The following GUCY1A2 variants were observed in gnomAD, a reference collection of about 807,000 sequenced individuals.
The protein encoded by GUCY1A2 is guanylate cyclase 1 soluble subunit alpha 2.
Under a neutral mutation model 63.5 loss-of-function variants are expected in GUCY1A2, and 27 were observed. The ratio of observed to expected loss-of-function variants is 0.43; its 90% CI spans 0.31 to 0.59. The LOEUF (loss-of-function observed/expected upper bound fraction) is 0.59. Ranked by LOEUF, GUCY1A2 falls within the 20% of genes least tolerant of loss-of-function variation. The pLI, the probability that GUCY1A2 is intolerant of heterozygous loss-of-function variation, is 0.11. For synonymous variants in GUCY1A2, 364 were observed against 343.5 expected (o/e 1.06, Z -0.66); for missense variants, 768 against 913.3 (o/e 0.84, Z 2.05).
At chr11:106,836,237 C>T (rs1859115644) in intron 4 of GUCY1A2, among the ~76,000 whole-genome samples, 4 of 152,122 alleles carry the variant, frequency 2.6e-5, no homozygotes, top group East Asian at 3.9e-4. Flanking sequence ...TAATAGCCTA[C>T]TGCTGACCAG....
chr11:106,797,911 A>G (rs908879264), intron 5 of GUCY1A2, among the ~76,000 whole-genome samples: 18 of 152,152 alleles, frequency 1.2e-4, no homozygotes, highest in Non-Finnish European at 2.6e-4. Context: ...AGAAATAACT[A>G]AAATCAGAGC....
chr11:106,867,386 G>A (rs942832159), intron 4 of GUCY1A2, among the ~76,000 whole-genome samples: 17 of 152,010 alleles, frequency 1.1e-4, no homozygotes, highest in African/African-American at 4.1e-4. Context: ...TACAAACTAT[G>A]AGCAATAGAG....
intron 1 of GUCY1A2, among the ~76,000 whole-genome samples, chr11:106,999,125 G>T (rs966626276): frequency 6.6e-6 from 1 of 152,102 alleles, no homozygotes; most frequent in Non-Finnish European, 1.5e-5. Context: ...TCCTATGCAG[G>T]TCCTTACAAT....
rs181855355 is a variant in GUCY1A2 at position 106,790,092 on chromosome 11, C to T, written c.1693-13510G>A. Among the ~76,000 whole-genome samples, 242 of 152,350 alleles carry T rather than the reference C, an allele frequency of 1.6e-3. 1 individual carries two copies. Among genetic ancestry groups the T allele is most frequent in the African/African-American group, 5.7e-3 (237 of 41,572 alleles). On this transcript the variant is annotated intron_variant, in intron 5 of 7. Transcript: ENST00000526355. Reference sequence around the variant, plus strand: ...CAGGCTTGTATCCTTTGCTTCACTGCAGTGAGTTACCCCAAGGCCCAGAGA... The same window carrying T: ...CAGGCTTGTATCCTTTGCTTCACTGTAGTGAGTTACCCCAAGGCCCAGAGA...
At chr11:106,839,767 C>T (rs1314505623) in intron 4 of GUCY1A2, among the ~76,000 whole-genome samples, 7 of 150,190 alleles carry the variant, frequency 4.7e-5, no homozygotes, top group African/African-American at 1.7e-4. Context: ...GGACAAAAAA[C>T]CAAACACCAC....
chr11:106,750,265 T>TTA (rs1863860465), intron 6 of GUCY1A2, among the ~76,000 whole-genome samples: 2 of 152,082 alleles, frequency 1.3e-5, no homozygotes, highest in Non-Finnish European at 2.9e-5. Flanking sequence ...AGCCAGCTTA[T>TTA]CCCACCTTCT....
chr11:106,895,557 G>A (rs760354209), intron 4 of GUCY1A2, among the ~76,000 whole-genome samples: 9 of 152,048 alleles, frequency 5.9e-5, no homozygotes, highest in East Asian at 1.9e-4. Flanking sequence ...CAGTTCCTCC[G>A]CACATGCTCT....
chr11:106,857,312 C>G (rs1197983948), intron 4 of GUCY1A2, among the ~76,000 whole-genome samples: 1 of 152,128 alleles, frequency 6.6e-6, no homozygotes, highest in Non-Finnish European at 1.5e-5. Context: ...CTAGCTAGCT[C>G]TCTTTTTCTT....
rs562124941 is a variant in GUCY1A2 at position 106,683,557 on chromosome 11, G to C, written c.*3992C>G. ...TGTGTGTGGTCCTTCCTATCCGCCT[G>C]AATGAGGCACCAGCAACCCTTTCTG... is the stretch of plus-strand genomic sequence containing the variant. On this transcript the variant is annotated 3_prime_UTR_variant, in exon 8 of 8. Transcript: ENST00000526355. The C allele has an allele frequency of 4.4e-6, 1 of 228,148 alleles. No homozygotes were observed. Among genetic ancestry groups the C allele is most frequent in the Admixed American group, 5.7e-5 (1 of 17,572 alleles). The allele number at this position is 228,148 out of a possible 1,614,324, so 14.1% of individuals were successfully genotyped here.
At chr11:106,964,337 C>T (rs1861099346) in intron 3 of GUCY1A2, among the ~76,000 whole-genome samples, 1 of 152,136 alleles carries the variant, frequency 6.6e-6, no homozygotes. Context: ...GTCTTTCAAA[C>T]AATAATCCTT....
chr11:106,906,280 G>A (rs1012769141), intron 4 of GUCY1A2, among the ~76,000 whole-genome samples: 7 of 152,086 alleles, frequency 4.6e-5, no homozygotes, highest in Non-Finnish European at 1.0e-4. Context: ...CTGGGCGAAC[G>A]ATATGAACAG....
intron 5 of GUCY1A2, among the ~76,000 whole-genome samples, chr11:106,790,868 G>A (rs1418510383): frequency 6.6e-6 from 1 of 152,198 alleles, no homozygotes; most frequent in Non-Finnish European, 1.5e-5. Context: ...GCAAGACAAA[G>A]TCCTCTTTAC....
intron 4 of GUCY1A2, among the ~76,000 whole-genome samples, chr11:106,891,916 G>A (rs1859979964): frequency 6.6e-6 from 1 of 152,054 alleles, no homozygotes; most frequent in South Asian, 2.1e-4. Context: ...TCTAAAGACA[G>A]CAGCGACTAC....
intron 7 of GUCY1A2, among the ~76,000 whole-genome samples, chr11:106,699,959 ATTT>A: frequency 6.6e-6 from 1 of 151,704 alleles, no homozygotes; most frequent in East Asian, 1.9e-4. Context: ...TTTCTTTTGT[ATTT>A]TTAGTAGAGA....
chr11:106,759,032 C>T (rs1864020317), intron 6 of GUCY1A2, among the ~76,000 whole-genome samples: 2 of 151,884 alleles, frequency 1.3e-5, no homozygotes, highest in Non-Finnish European at 2.9e-5. Flanking sequence ...AGTTAAAAGT[C>T]AAACAAATGT....
rs573207099 is a variant in GUCY1A2 at position 106,793,644 on chromosome 11, C to T, written c.1692+16349G>A. 2.3e-4 allele frequency among the ~76,000 whole-genome samples: 35 copies of T among 152,026 alleles called. No individual in the cohort carries two copies. The South Asian group carries it at 6.6e-3, about 29-fold the overall frequency. On this transcript the variant is annotated intron_variant, in intron 5 of 7. Coordinates refer to ENST00000526355, the MANE Select transcript of GUCY1A2 (RefSeq NM_000855.3). ...ATCCAAAATATTCAAAGAACTCATA[C>T]AACTCAATAGCAAAAACAACAAACA...
Position 107,008,349 on chromosome 11 carries a change from T to C in GUCY1A2, c.303+9404A>G, listed in dbSNP as rs57713489. Reference sequence around the variant, plus strand: ...AGGCAATTTGCATAAAACCTACAGATTATTATGAAGTCCCAATAAAATGTC... The same window carrying C: ...AGGCAATTTGCATAAAACCTACAGACTATTATGAAGTCCCAATAAAATGTC... On this transcript the variant is annotated intron_variant, in intron 1 of 7. Coordinates refer to ENST00000526355, the MANE Select transcript of GUCY1A2 (RefSeq NM_000855.3). Among the ~76,000 whole-genome samples, 1,409 of 151,662 alleles carry C rather than the reference T, an allele frequency of 9.3e-3. 21 individuals are homozygous for C. Among genetic ancestry groups the C allele is most frequent in the African/African-American group, 0.031 (1,297 of 41,274 alleles).
chr11:106,893,870 T>C (rs914580353), intron 4 of GUCY1A2, among the ~76,000 whole-genome samples: 1 of 152,102 alleles, frequency 6.6e-6, no homozygotes, highest in South Asian at 2.1e-4. Flanking sequence ...GGGCACCCAG[T>C]CATCCCGGAG....
intron 4 of GUCY1A2, among the ~76,000 whole-genome samples, chr11:106,877,078 A>C (rs562710142): frequency 1.3e-5 from 2 of 152,240 alleles, no homozygotes; most frequent in African/African-American, 4.8e-5. Flanking sequence ...AAAGGACACA[A>C]GCAGCCTTTA....
Sources: gnomAD v4.1 joint callset for allele counts (sites outside exome capture counted in the v4.1 genomes callset) on GRCh38, gnomAD v4.1.1 for gene constraint, MANE v1.5 for transcripts, NCBI Gene and HGNC (gene_info 2026-07-23, HGNC 2026-07-21) for gene names.